TOGARAM1: variants seen among roughly 807,000 people sequenced by gnomAD.
TOGARAM1 encodes the protein TOG array regulator of axonemal microtubules protein 1.
TOGARAM1 carries 100 observed loss-of-function variants against 166.6 expected under a neutral mutation model. The ratio of observed to expected loss-of-function variants is 0.60; its 90% CI spans 0.51 to 0.71. The LOEUF is 0.71. Ranked by LOEUF, TOGARAM1 falls within the 30% of genes least tolerant of loss-of-function variation. TOGARAM1 has a pLI of 0.00. For missense variants in TOGARAM1, 2,029 were observed against 2,102.7 expected (o/e 0.96, Z 0.69); for synonymous variants, 758 against 763.8 (o/e 0.99, Z 0.13).
chr14:45,054,194 A>G (rs1882519067), intron 15 of TOGARAM1, among the ~76,000 whole-genome samples: 1 of 152,132 alleles, frequency 6.6e-6, no homozygotes, highest in Admixed American at 6.5e-5. Flanking sequence ...ATTAATTTTT[A>G]GTTTTTAACT....
At chr14:45,035,131 T>C (rs1395582960) in intron 11 of TOGARAM1, among the ~76,000 whole-genome samples, 1 of 152,156 alleles carries the variant, frequency 6.6e-6, no homozygotes, top group Non-Finnish European at 1.5e-5. Flanking sequence ...GTTGAAGACG[T>C]AACCATTGAA....
intron 14 of TOGARAM1, among the ~76,000 whole-genome samples, chr14:45,048,767 A>G (rs1011237275): frequency 3.6e-4 from 54 of 152,104 alleles, no homozygotes; most frequent in African/African-American, 1.3e-3. Context: ...ACCTGAGGTC[A>G]GGAGTTCAAG....
chr14:45,004,413 C>T (rs559068906), intron 4 of TOGARAM1, 47 bp downstream of exon 4: 2 of 1,531,368 alleles, frequency 1.3e-6, no homozygotes, highest in South Asian at 2.4e-5. Flanking sequence ...TGAATTAGTA[C>T]TTTGAAGTTA....
At chr14:45,009,917 T>C (rs763394628) in intron 6 of TOGARAM1, among the ~76,000 whole-genome samples, 1 of 152,174 alleles carries the variant, frequency 6.6e-6, no homozygotes, top group Non-Finnish European at 1.5e-5. Flanking sequence ...TATATTTAAC[T>C]TTTTAAGTAA....
chr14:45,027,397 G>A lies in TOGARAM1; in HGVS notation c.3427G>A (p.Glu1143Lys), dbSNP rs1880915967. 2 of 1,613,428 alleles carry A rather than the reference G, an allele frequency of 1.2e-6. No individual in the cohort carries two copies. The highest frequency in any genetic ancestry group is 1.7e-6 in the Non-Finnish European group (2 of 1,179,790). ...TACATTTTCAATTAAACAAAGTATT[G>A]AACCACCATCAGGGATTTATGGAAG... Reference protein sequence around the residue: ...GDTFSIKQSIEPPSGIYGRSV... With the variant: ...GDTFSIKQSIKPPSGIYGRSV... Residue 1143 changes from glutamate to lysine, a missense_variant, in exon 9 of 20, where the codon GAA (glutamate) becomes AAA (lysine). Glu to Lys is a moderately conservative substitution (Grantham distance 56, BLOSUM62 1). Coordinates refer to ENST00000361462, the MANE Select transcript of TOGARAM1 (RefSeq NM_001308120.2).
chr14:45,066,639 G>A lies in TOGARAM1; in HGVS notation c.4621G>A (p.Ala1541Thr). The change falls in exon 17 of 20, where the codon GCT (alanine) becomes ACT (threonine). Residue 1541 changes from alanine to threonine, a missense_variant. By Grantham distance (58) the Ala-to-Thr change is moderately conservative. Coordinates refer to ENST00000361462, the MANE Select transcript of TOGARAM1 (RefSeq NM_001308120.2). Reference sequence around the variant, plus strand: ...AGTCCCTCGTAATTCCTTAGAAAGTGCTGAGTACCTTAAACTCATAACTGG... The same window carrying A: ...AGTCCCTCGTAATTCCTTAGAAAGTACTGAGTACCTTAAACTCATAACTGG... Reference protein sequence around the residue: ...KSVPRNSLESAEYLKLITGLL... With the variant: ...KSVPRNSLESTEYLKLITGLL... The A allele has an allele frequency of 3.7e-6, 6 of 1,613,756 alleles. No individual in the cohort carries two copies. The highest frequency in any genetic ancestry group is 5.1e-6 in the Non-Finnish European group (6 of 1,179,674).
chr14:45,045,817 T>G (rs1249054267), intron 13 of TOGARAM1, among the ~76,000 whole-genome samples: 1 of 149,780 alleles, frequency 6.7e-6, no homozygotes, highest in East Asian at 2.0e-4. Flanking sequence ...TTAGGTTGGT[T>G]CCACATCTTT....
rs552770418 is a variant in TOGARAM1, at chr14:45,048,042, C to T, written c.4313+1339C>T. 3.8e-5 allele frequency among the ~76,000 whole-genome samples: 5 copies of T among 131,018 alleles called. No individual in the cohort carries two copies. In the South Asian group the frequency reaches 7.1e-4, roughly 19 times the overall value. The allele number at this position is 131,018 out of a possible 152,430, so 86.0% of individuals were successfully genotyped here. ...CTGCACTCCAGACTGAGAAACAGAG[C>T]GAGACTCCATCTCAAAAAAAAAAAA... On this transcript the variant is annotated intron_variant, in intron 14 of 19. Transcript: ENST00000361462.
intron 11 of TOGARAM1, among the ~76,000 whole-genome samples, chr14:45,040,953 C>T (rs1451484905): frequency 7.2e-5 from 11 of 152,152 alleles, no homozygotes; most frequent in East Asian, 1.9e-4. Flanking sequence ...GCACAAGAAT[C>T]GCTTGAACCC....
At position 44,963,833 on chromosome 14, in the gene TOGARAM1, T is replaced by A. The variant is rs1885364002; in HGVS notation, c.1412T>A (p.Val471Glu). The A allele has an allele frequency of 1.2e-6, 2 of 1,614,044 alleles. No homozygotes were observed. The highest frequency in any genetic ancestry group is 2.7e-5 in the African/African-American group (2 of 74,928). Residue 471 changes from valine to glutamate, a missense_variant, in exon 1 of 20, where the codon GTG becomes GAG. Val to Glu is a moderately radical substitution (Grantham distance 121). Around this residue, in one of 2 missense-constraint regions of TOGARAM1, gnomAD observed 1,453 missense variants for 1,432.2 expected, o/e 1.01. Transcript: ENST00000361462. Reference protein sequence around the residue: ...KLMKEVGPQQVLCLLLEHLKH... With the variant: ...KLMKEVGPQQELCLLLEHLKH... ...ATGAAGGAAGTAGGACCTCAGCAGG[T>A]GCTTTGTTTACTCCTGGAACATCTC...
chr14:44,971,259 A>G (rs186519782), intron 1 of TOGARAM1, among the ~76,000 whole-genome samples: 20 of 152,254 alleles, frequency 1.3e-4, no homozygotes, highest in African/African-American at 4.6e-4. Flanking sequence ...CAGATTATCC[A>G]TATCTTCTTG....
At chr14:45,016,686 C>T (rs1478784815) in intron 7 of TOGARAM1, among the ~76,000 whole-genome samples, 4 of 152,154 alleles carry the variant, frequency 2.6e-5, no homozygotes, top group Admixed American at 1.3e-4. Context: ...TGCGATTCAC[C>T]ATACCTGGCC....
intron 1 of TOGARAM1, among the ~76,000 whole-genome samples, chr14:44,971,955 T>G (rs950876370): frequency 3.9e-5 from 6 of 152,014 alleles, no homozygotes; most frequent in South Asian, 2.1e-4. Context: ...CTCGGAAATT[T>G]ACAATTATGG....
chr14:45,073,519 T>G lies in TOGARAM1; in HGVS notation c.5280T>G (p.Ser1760Arg). ...CTCAACCACCACATATCAAAAAGAG[T>G]TTGGAGGAATTACTCGATATGACAA... ...AASQPPHIKK[S>R]LEELLDMTIL... Residue 1760 changes from serine (S) to arginine (R), a missense_variant, in exon 20 of 20, where the codon AGT becomes AGG. By Grantham distance (110) the Ser-to-Arg change is moderately radical. Around this residue, in one of 2 missense-constraint regions of TOGARAM1, gnomAD observed 576 missense variants for 670.5 expected, o/e 0.86. Transcript: ENST00000361462. The G allele has an allele frequency of 6.2e-7, 1 of 1,613,684 alleles. No individual in the cohort carries two copies. Among genetic ancestry groups the G allele is most frequent in the Non-Finnish European group, 8.5e-7 (1 of 1,179,910 alleles).
intron 7 of TOGARAM1, among the ~76,000 whole-genome samples, chr14:45,015,618 GT>G (rs1452326450): frequency 6.6e-6 from 1 of 150,850 alleles, no homozygotes; most frequent in Non-Finnish European, 1.5e-5. Flanking sequence ...TAACATTTGG[GT>G]ACTTAAAATG....
chr14:45,053,348 G>C (rs1882475092), intron 15 of TOGARAM1, among the ~76,000 whole-genome samples: 1 of 151,982 alleles, frequency 6.6e-6, no homozygotes. Flanking sequence ...GCCATGCCAT[G>C]TCTTATTTGT....
At position 45,044,836 on chromosome 14, in the gene TOGARAM1, C is replaced by T. The variant is rs138615717; in HGVS notation, c.4120C>T (p.Arg1374Cys). 2.2e-5 allele frequency: 35 copies of T among 1,613,126 alleles called. 1 individual carries two copies. The highest frequency in any genetic ancestry group is 4.4e-5 in the South Asian group (4 of 90,828). ...TATGGTTAATAATGTAACTCCTGCA[C>T]GTGCAGTTGTTTCTCTTATCAATGG... ...RAMVNNVTPA[R>C]AVVSLINGGQ... The change falls in exon 13 of 20, where the codon CGT becomes TGT. Residue 1374 changes from arginine to cysteine, a missense_variant. This residue lies in a region of TOGARAM1 where 576 missense variants were observed against 670.5 expected (regional missense o/e 0.86). Transcript: ENST00000361462.
chr14:45,045,286 A>G (rs1428330229), intron 13 of TOGARAM1, among the ~76,000 whole-genome samples: 1 of 151,444 alleles, frequency 6.6e-6, no homozygotes, highest in African/African-American at 2.4e-5. Context: ...CATTGTACCT[A>G]ATGTGTAGTT....
chr14:44,968,687 A>G (rs1308974295), intron 1 of TOGARAM1, among the ~76,000 whole-genome samples: 1 of 152,222 alleles, frequency 6.6e-6, no homozygotes, highest in Non-Finnish European at 1.5e-5. Flanking sequence ...TGTTATAATC[A>G]GTGAACCCAT....
Sources: allele counts gnomAD v4.1 joint callset (sites outside exome capture counted in the v4.1 genomes callset), GRCh38; gene constraint gnomAD v4.1.1; regional missense constraint gnomAD v4.1.1; transcripts MANE v1.5; gene names NCBI Gene and HGNC (gene_info 2026-07-23, HGNC 2026-07-21).